Variants in CDH18 observed in about 807,000 individuals in gnomAD.
CDH18 encodes the protein cadherin 18.
Under a neutral mutation model 67.9 loss-of-function variants are expected in CDH18, and 31 were observed. The ratio of observed to expected loss-of-function variants is 0.46; its 90% confidence interval spans 0.34 to 0.62. CDH18 has a LOEUF of 0.62. Ranked by LOEUF, CDH18 falls within the 20% of genes least tolerant of loss-of-function variation. The pLI, the probability that CDH18 is intolerant of heterozygous loss-of-function variation, is 0.01. For synonymous variants in CDH18, 362 were observed against 347.2 expected (o/e 1.04, Z -0.48); for missense variants, 890 against 975.5 (o/e 0.91, Z 1.17).
At chr5:19,696,245 G>A (rs906536917) in intron 5 of CDH18, among the ~76,000 whole-genome samples, 11 of 39,692 alleles carry the variant, frequency 2.8e-4, no homozygotes, top group Admixed American at 2.7e-3. Flanking sequence ...GTGTGTGTGT[G>A]TGTGTGTGTG....
chr5:19,998,825 T>C (rs1028144883), intron 2 of CDH18, among the ~76,000 whole-genome samples: 7 of 152,134 alleles, frequency 4.6e-5, no homozygotes, highest in African/African-American at 1.7e-4. Flanking sequence ...TTTGGTAGCA[T>C]AAGAAGTGAA....
At chr5:20,537,398 A>AT (rs5866435) in intron 1 of CDH18, among the ~76,000 whole-genome samples, 68,959 of 151,844 alleles carry the variant, frequency 0.45, 15,963 homozygotes, top group East Asian at 0.57. Context: ...TAAAAAACTG[A>AT]TTTTTTATTG....
chr5:20,038,088 T>G (rs958711262), intron 2 of CDH18, among the ~76,000 whole-genome samples: 2 of 152,038 alleles, frequency 1.3e-5, no homozygotes, highest in Non-Finnish European at 2.9e-5. Context: ...ACAAATAAAC[T>G]AGAAAATCTA....
At chr5:20,330,699 G>A (rs926950949) in intron 1 of CDH18, among the ~76,000 whole-genome samples, 1 of 152,088 alleles carries the variant, frequency 6.6e-6, no homozygotes, top group Non-Finnish European at 1.5e-5. Context: ...CTGTGCATGC[G>A]GACAGCCCAC....
At chr5:20,148,817 A>T (rs1750871285) in intron 2 of CDH18, among the ~76,000 whole-genome samples, 1 of 152,182 alleles carries the variant, frequency 6.6e-6, no homozygotes, top group East Asian at 1.9e-4. Flanking sequence ...GCTCTGTCAC[A>T]TAAAATACAT....
At chr5:19,841,838 A>G (rs1027368733) in intron 2 of CDH18, among the ~76,000 whole-genome samples, 7 of 152,190 alleles carry the variant, frequency 4.6e-5, no homozygotes, top group Non-Finnish European at 8.8e-5. Flanking sequence ...AAAAATATAT[A>G]AATGCATTTT....
intron 3 of CDH18, among the ~76,000 whole-genome samples, chr5:19,807,776 T>TC (rs1778186083): frequency 2.6e-5 from 4 of 152,200 alleles, no homozygotes; most frequent in African/African-American, 9.6e-5. Context: ...CCCAGAGAGT[T>TC]CTTCCCTCAT....
intron 1 of CDH18, among the ~76,000 whole-genome samples, chr5:20,274,014 G>A (rs756094954): frequency 1.3e-5 from 2 of 152,088 alleles, no homozygotes; most frequent in Non-Finnish European, 2.9e-5. Flanking sequence ...GATACAGGTG[G>A]AGAAACGGAG....
intron 3 of CDH18, among the ~76,000 whole-genome samples, chr5:19,790,477 T>A (rs181210198): frequency 5.3e-5 from 8 of 152,304 alleles, no homozygotes; most frequent in East Asian, 1.9e-4. Flanking sequence ...AATCTAGTGA[T>A]GAATCCAGCT....
chr5:20,439,126 A>G (rs1017454865), intron 1 of CDH18, among the ~76,000 whole-genome samples: 5 of 150,320 alleles, frequency 3.3e-5, no homozygotes, highest in Non-Finnish European at 7.4e-5. Flanking sequence ...TACATATTTG[A>G]TCTAAAACAG....
intron 4 of CDH18, among the ~76,000 whole-genome samples, chr5:19,726,083 A>T (rs1766806071): frequency 6.6e-6 from 1 of 152,194 alleles, no homozygotes; most frequent in African/African-American, 2.4e-5. Flanking sequence ...GCCACATGAA[A>T]GGAGGAGAGT....
chr5:20,304,488 A>G (rs1448892801), intron 1 of CDH18: 29 of 1,589,712 alleles, frequency 1.8e-5, no homozygotes, highest in Non-Finnish European at 2.3e-5. Flanking sequence ...TGGCCCTCCA[A>G]TGGTTTAGTG....
intron 1 of CDH18, among the ~76,000 whole-genome samples, chr5:20,464,466 T>C (rs1478140851): frequency 1.8e-5 from 1 of 55,422 alleles, no homozygotes; most frequent in Non-Finnish European, 3.5e-5. Flanking sequence ...TGCTCTTGCC[T>C]GTTATTGTTT....
chr5:19,601,429 C>A (rs2150067000), intron 6 of CDH18, among the ~76,000 whole-genome samples: 1 of 152,150 alleles, frequency 6.6e-6, no homozygotes, highest in Non-Finnish European at 1.5e-5. Flanking sequence ...TCTGAATAGA[C>A]ATACTACTGA....
At chr5:19,668,700 CTTAA>C (rs1403615982) in intron 5 of CDH18, among the ~76,000 whole-genome samples, 2 of 152,050 alleles carry the variant, frequency 1.3e-5, no homozygotes, top group Non-Finnish European at 2.9e-5. Context: ...AATGATGTTT[CTTAA>C]TTAATTGTGA....
At chr5:19,822,523 A>C (rs1242571247) in intron 3 of CDH18, among the ~76,000 whole-genome samples, 1 of 152,182 alleles carries the variant, frequency 6.6e-6, no homozygotes, top group Middle Eastern at 3.2e-3. Flanking sequence ...AAAAAGAGAG[A>C]AATTTTAAAG....
chr5:19,662,337 A>T (rs1400944887), intron 5 of CDH18, among the ~76,000 whole-genome samples: 1 of 151,986 alleles, frequency 6.6e-6, no homozygotes, highest in East Asian at 1.9e-4. Context: ...TGCTGATGAA[A>T]TGCACGAAAT....
At chr5:19,928,409 G>A (rs894380032) in intron 2 of CDH18, among the ~76,000 whole-genome samples, 5 of 151,972 alleles carry the variant, frequency 3.3e-5, no homozygotes, top group African/African-American at 7.2e-5. Context: ...TAAAAGATGG[G>A]AATTCTACGC....
intron 4 of CDH18, among the ~76,000 whole-genome samples, chr5:19,739,174 G>A (rs757857307): frequency 6.6e-6 from 1 of 152,142 alleles, no homozygotes; most frequent in Non-Finnish European, 1.5e-5. Context: ...GGTGGAAAAG[G>A]TTGTCATGTA....
Sources: gnomAD v4.1 joint callset for allele counts (sites outside exome capture counted in the v4.1 genomes callset) on GRCh38, gnomAD v4.1.1 for gene constraint, MANE v1.5 for transcripts, NCBI Gene and HGNC (gene_info 2026-07-23, HGNC 2026-07-21) for gene names.